SYT1: variants seen among roughly 807,000 people sequenced by gnomAD.
SYT1 encodes the protein synaptotagmin-1.
A neutral mutation model predicts 44.8 loss-of-function variants in SYT1; 8 were observed. That is an observed-to-expected ratio of 0.18 (90% CI 0.10 to 0.32). The LOEUF is 0.32. SYT1 is among the 10% of genes least tolerant of loss of function. The pLI is 1.00. For missense variants in SYT1, 286 were observed against 509.3 expected, an observed-to-expected ratio of 0.56 and a Z score of 4.22; for synonymous variants, 154 against 188.8, an observed-to-expected ratio of 0.82 and a Z score of 1.51.
intron 2 of SYT1, among the ~76,000 whole-genome samples, chr12:79,003,409 C>T (rs1447378210): frequency 6.6e-6 from 1 of 151,870 alleles, no homozygotes; most frequent in East Asian, 1.9e-4. Context: ...CAGTCCTAGT[C>T]AACATTAGCA....
chr12:79,213,313 G>T (rs773878006), intron 3 of SYT1, among the ~76,000 whole-genome samples: 2 of 152,024 alleles, frequency 1.3e-5, no homozygotes, highest in Admixed American at 1.3e-4. Flanking sequence ...CAAAAAACAG[G>T]ATTATATTGG....
intron 3 of SYT1, among the ~76,000 whole-genome samples, chr12:79,201,698 G>A (rs1029030530): frequency 6.6e-6 from 1 of 152,112 alleles, no homozygotes; most frequent in African/African-American, 2.4e-5. Flanking sequence ...TGGAGTCCTA[G>A]TCATCAACAA....
chr12:78,988,532 A>G (rs932512544), intron 2 of SYT1, among the ~76,000 whole-genome samples: 2 of 151,850 alleles, frequency 1.3e-5, no homozygotes, highest in African/African-American at 4.8e-5. Flanking sequence ...AGATGGCCTC[A>G]TTGAGAAAAT....
intron 3 of SYT1, among the ~76,000 whole-genome samples, chr12:79,209,274 C>T (rs971104292): frequency 1.3e-5 from 2 of 152,124 alleles, no homozygotes; most frequent in African/African-American, 4.8e-5. Flanking sequence ...TACTTAACTG[C>T]CTAAGGATCT....
intron 3 of SYT1, among the ~76,000 whole-genome samples, chr12:79,096,610 A>G (rs1878147257): frequency 1.3e-5 from 2 of 151,950 alleles, no homozygotes; most frequent in Non-Finnish European, 2.9e-5. Flanking sequence ...CCTTGAAAGG[A>G]GGCATTTTAG....
rs74107369 is a variant in SYT1 at position 79,236,172 on chromosome 12, T to C, written c.166+18487T>C. ...TTTTCCATTTATGGCCAGCCCATTGTACATAAATCTTTCAGATGATTTTTC... is the reference window on the plus strand; with the variant it reads ...TTTTCCATTTATGGCCAGCCCATTGCACATAAATCTTTCAGATGATTTTTC... On this transcript the variant is annotated intron_variant, in intron 4 of 10. Transcript: ENST00000261205. Among the ~76,000 whole-genome samples, 579 of 152,322 alleles carry C rather than the reference T, an allele frequency of 3.8e-3. 8 individuals are homozygous for C. Among genetic ancestry groups the C allele is most frequent in the African/African-American group, 0.014 (563 of 41,580 alleles).
intron 1 of SYT1, among the ~76,000 whole-genome samples, chr12:78,964,433 G>A (rs1347016102): frequency 6.6e-6 from 1 of 152,020 alleles, no homozygotes; most frequent in Non-Finnish European, 1.5e-5. Context: ...TTAAAATTTA[G>A]GGTTACTGCA....
Position 79,254,611 on chromosome 12 carries a change from A to G in SYT1, c.167-31176A>G, listed in dbSNP as rs57964350. Among the ~76,000 whole-genome samples, 572 of 152,318 alleles carry G rather than the reference A, an allele frequency of 3.8e-3. 8 individuals are homozygous for G. Among genetic ancestry groups the G allele is most frequent in the African/African-American group, 0.013 (556 of 41,576 alleles). On this transcript the variant is annotated intron_variant, in intron 4 of 10. Transcript: ENST00000261205. ...CATTTTGTAAGACTGTAACTGCTGT[A>G]TATAGTTATTCTTCTAATGCAGCTG... is the stretch of plus-strand genomic sequence containing the variant.
chr12:79,361,304 G>T (rs1383965898), intron 9 of SYT1, among the ~76,000 whole-genome samples: 1 of 152,226 alleles, frequency 6.6e-6, no homozygotes, highest in South Asian at 2.1e-4. Flanking sequence ...GGACAGAGAG[G>T]TACATAACTT....
intron 4 of SYT1, among the ~76,000 whole-genome samples, chr12:79,276,471 A>G (rs1276454476): frequency 6.6e-6 from 1 of 151,930 alleles, no homozygotes; most frequent in African/African-American, 2.4e-5. Context: ...AGGTCAAGAG[A>G]TCGAGACCAT....
At chr12:79,370,631 C>T (rs1024586636) in intron 9 of SYT1, among the ~76,000 whole-genome samples, 3 of 151,976 alleles carry the variant, frequency 2.0e-5, no homozygotes, top group Non-Finnish European at 2.9e-5. Context: ...GGCATGGTGA[C>T]GGGCGCCTGT....
chr12:79,033,931 A>G (rs1872969664), intron 2 of SYT1, among the ~76,000 whole-genome samples: 2 of 151,456 alleles, frequency 1.3e-5, no homozygotes, highest in Non-Finnish European at 3.0e-5. Flanking sequence ...CTAGACCTCC[A>G]TAGACATGTG....
At chr12:79,298,434 C>T (rs1325827727) in intron 7 of SYT1, among the ~76,000 whole-genome samples, 2 of 152,066 alleles carry the variant, frequency 1.3e-5, no homozygotes, top group Non-Finnish European at 1.5e-5. Context: ...TCCTTTTCTT[C>T]CCTCCTTAAT....
At chr12:79,266,866 T>C (rs1254038417) in intron 4 of SYT1, among the ~76,000 whole-genome samples, 1 of 152,162 alleles carries the variant, frequency 6.6e-6, no homozygotes, top group Non-Finnish European at 1.5e-5. Flanking sequence ...CGTGGATACT[T>C]AGGCAAGTGA....
chr12:79,064,979 A>AAG (rs1875715105), intron 3 of SYT1, among the ~76,000 whole-genome samples: 1 of 147,990 alleles, frequency 6.8e-6, no homozygotes, highest in African/African-American at 2.6e-5. Flanking sequence ...AAAGAAAGAA[A>AAG]GAAAGAAAGA....
intron 8 of SYT1, among the ~76,000 whole-genome samples, chr12:79,310,647 G>A (rs1184988005): frequency 5.3e-5 from 8 of 152,206 alleles, no homozygotes; most frequent in Non-Finnish European, 7.3e-5. Context: ...CTACCCGTGA[G>A]CATGGAATGT....
intron 9 of SYT1, among the ~76,000 whole-genome samples, chr12:79,357,195 C>T (rs1452904045): frequency 6.6e-6 from 1 of 152,142 alleles, no homozygotes; most frequent in Non-Finnish European, 1.5e-5. Context: ...ATTGTATATC[C>T]ACATGCAAAA....
intron 2 of SYT1, among the ~76,000 whole-genome samples, chr12:79,023,498 T>C (rs1313425079): frequency 6.6e-6 from 1 of 151,770 alleles, no homozygotes; most frequent in Non-Finnish European, 1.5e-5. Context: ...GGAGCATGCA[T>C]TGGGAGCTTC....
intron 8 of SYT1, among the ~76,000 whole-genome samples, chr12:79,346,448 C>T (rs1882611248): frequency 6.6e-6 from 1 of 152,086 alleles, no homozygotes; most frequent in Non-Finnish European, 1.5e-5. Flanking sequence ...CACTAACTGG[C>T]AGTTTCCACC....
Sources: gnomAD v4.1 joint callset for allele counts (sites outside exome capture counted in the v4.1 genomes callset) on GRCh38, gnomAD v4.1.1 for gene constraint, MANE v1.5 for transcripts, NCBI Gene and HGNC (gene_info 2026-07-23, HGNC 2026-07-21) for gene names.